The following DOCK6 variants were observed in gnomAD, a reference collection of about 807,000 sequenced individuals.
The protein encoded by DOCK6 is dedicator of cytokinesis protein 6.
A neutral mutation model predicts 230.3 loss-of-function variants in DOCK6; 167 were observed. That is an observed-to-expected ratio of 0.73 (90% CI 0.64 to 0.82). The LOEUF is 0.82. Ranked by LOEUF, DOCK6 falls within the 40% of genes least tolerant of loss-of-function variation. The pLI, the probability that DOCK6 is intolerant of heterozygous loss-of-function variation, is 0.00. For synonymous variants in DOCK6, 1,148 were observed against 1,185.0 expected (o/e 0.97, Z 0.64); for missense variants, 2,598 against 2,825.8 (o/e 0.92, Z 1.83).
rs1179449389 is a variant in DOCK6 at position 11,222,211 on chromosome 19, A to T, written c.3278T>A (p.Val1093Glu). ...TFSSQAPDPK[V>E]TSMFELSGPF... is the part of the protein sequence containing the mutation. ...TCCACTCAGTTCGAACATGCTGGTC[A>T]CCTTGGGGTCCGGGGCTTGGCTGGA... The change falls in exon 27 of 48, where the codon GTG (valine) becomes GAG (glutamate). Residue 1093 changes from valine (V) to glutamate (E), a missense_variant. Val to Glu is a moderately radical substitution (Grantham distance 121, BLOSUM62 -2). Transcript: ENST00000294618. The surrounding 1 kb of genome is among the most constrained non-coding windows in gnomAD (Gnocchi z 4.0). The T allele has an allele frequency of 6.2e-7, 1 of 1,605,478 alleles. No homozygotes were observed. Among genetic ancestry groups the T allele is most frequent in the Non-Finnish European group, 8.5e-7 (1 of 1,176,314 alleles).
chr19:11,205,395 T>C (rs1278545005), intron 39 of DOCK6, among the ~76,000 whole-genome samples: 1 of 152,028 alleles, frequency 6.6e-6, no homozygotes, highest in Non-Finnish European at 1.5e-5. Context: ...ATGGCTGCAG[T>C]CCAGTGGTAT....
intron 7 of DOCK6, 170 bp downstream of exon 7, chr19:11,247,896 G>C: frequency 1.7e-6 from 1 of 604,292 alleles, no homozygotes; most frequent in Non-Finnish European, 3.0e-6. Flanking sequence ...TTGGAGACTC[G>C]GGATAATGAA....
intron 7 of DOCK6, among the ~76,000 whole-genome samples, 157 bp from the exon 8 acceptor site, chr19:11,246,035 C>T (rs913249018): frequency 5.3e-5 from 8 of 151,368 alleles, no homozygotes; most frequent in Non-Finnish European, 1.0e-4. Flanking sequence ...TCTCATTTTG[C>T]AAAAGGGGAA....
chr19:11,251,949 A>C, intron 5 of DOCK6, 170 bp downstream of exon 5: 1 of 941,680 alleles, frequency 1.1e-6, no homozygotes, highest in South Asian at 1.6e-5. Flanking sequence ...CACCCTAAGC[A>C]CTCAATAAAT....
At chr19:11,226,042 C>T (rs559735685) in intron 24 of DOCK6, among the ~76,000 whole-genome samples, 2 of 152,096 alleles carry the variant, frequency 1.3e-5, no homozygotes, top group East Asian at 3.9e-4. Flanking sequence ...GACCCTATCT[C>T]CAAACAAAAA....
chr19:11,243,019 G>A lies in DOCK6; in HGVS notation c.1480+40C>T. 2.5e-6 allele frequency: 4 copies of A among 1,609,030 alleles called. No homozygotes were observed. The highest frequency in any genetic ancestry group is 3.4e-6 in the Non-Finnish European group (4 of 1,176,998). On this transcript the variant is annotated intron_variant, in intron 13 of 47. Coordinates refer to ENST00000294618, the MANE Select transcript of DOCK6 (RefSeq NM_020812.4). The surrounding 1 kb of genome is among the most constrained non-coding windows in gnomAD (Gnocchi z 6.3). The stretch of plus-strand genomic sequence containing the variant: ...CAGTGTAGGTTTGTTGAGTGGCTGA[G>A]TGAGAGTGATACTTCTTGTGTATGG...
At chr19:11,252,441 T>A (rs1264858984) in intron 4 of DOCK6, 41 bp downstream of exon 4, 1 of 1,610,956 alleles carries the variant, frequency 6.2e-7, no homozygotes, top group Admixed American at 1.7e-5. Context: ...TCAGCCCTTT[T>A]GGGTTCCGAA....
Position 11,252,834 on chromosome 19 carries a change from A to C in DOCK6, c.257T>G (p.Leu86Arg), listed in dbSNP as rs763313280. ...VEFPADDLEL[L>R]LQPRECRTTE... is the part of the protein sequence containing the mutation. ...GGTCCGGCATTCCCGGGGCTGCAGCAGCAGCTCCAAGTCATCAGCTGGGAA... is the reference window on the plus strand; with the variant it reads ...GGTCCGGCATTCCCGGGGCTGCAGCCGCAGCTCCAAGTCATCAGCTGGGAA... The change falls in exon 3 of 48, where the codon CTG becomes CGG. Residue 86 changes from leucine (L) to arginine (R), a missense_variant. Transcript: ENST00000294618. 42 of 1,613,524 alleles carry C rather than the reference A, an allele frequency of 2.6e-5. No homozygotes were observed. In the Admixed American group the frequency reaches 7.0e-4, roughly 27 times the overall value.
chr19:11,261,815 T>G (rs1599304698), intron 1 of DOCK6, among the ~76,000 whole-genome samples: 1 of 143,928 alleles, frequency 6.9e-6, no homozygotes, highest in East Asian at 2.1e-4. Flanking sequence ...AAGCAGAAGG[T>G]GGGGGGGCGT....
chr19:11,262,457 C>A lies in DOCK6; in HGVS notation c.-17G>T. On this transcript the variant is annotated 5_prime_UTR_variant, in exon 1 of 48. Transcript: ENST00000294618. ...GGCAGCCATGGTCCTCGCGTCCCGC[C>A]GCCGCCGCCCCGGGCCCCGGCCCCG... 8.5e-7 allele frequency: 1 copy of A among 1,177,710 alleles called. No homozygotes were observed. The highest frequency in any genetic ancestry group is 1.6e-5 in the African/African-American group (1 of 62,132). 73.0% of individuals were successfully genotyped at this position (1,177,710 alleles called of 1,614,324 possible). A position where few individuals can be genotyped will look rare whatever the true frequency, so the allele number is the denominator to read the frequency against.
intron 24 of DOCK6, among the ~76,000 whole-genome samples, chr19:11,225,471 T>C (rs773009603): frequency 5.9e-5 from 9 of 151,964 alleles, no homozygotes; most frequent in African/African-American, 2.4e-5. Flanking sequence ...CATTTCTCCT[T>C]AGACACCAGG....
intron 9 of DOCK6, among the ~76,000 whole-genome samples, chr19:11,244,878 G>A (rs2080008372): frequency 6.6e-6 from 1 of 152,218 alleles, no homozygotes; most frequent in Non-Finnish European, 1.5e-5. Flanking sequence ...ACAGTTGTGA[G>A]TCACTGTGCC....
intron 23 of DOCK6, chr19:11,228,725 A>G: frequency 2.3e-6 from 1 of 439,084 alleles, no homozygotes; most frequent in Non-Finnish European, 4.2e-6. Context: ...ACTCCTGGCT[A>G]ATTTTTTTTT....
chr19:11,226,108 C>G (rs1346333009), intron 24 of DOCK6, among the ~76,000 whole-genome samples: 1 of 152,138 alleles, frequency 6.6e-6, no homozygotes, highest in Non-Finnish European at 1.5e-5. Context: ...TTTCTGTTGG[C>G]TGGATTGAGT....
rs1266027516 is a variant in DOCK6, at chr19:11,262,435, A to C, written c.6T>G (p.Ala2=). 1 of 1,227,478 alleles carries C rather than the reference A, an allele frequency of 8.1e-7. No homozygotes were observed. Among genetic ancestry groups the C allele is most frequent in the East Asian group, 3.3e-5 (1 of 29,908 alleles). 76.0% of individuals were successfully genotyped at this position (1,227,478 alleles called of 1,614,324 possible). The change falls in exon 1 of 48, where the codon GCT becomes GCG. Residue 2 remains alanine, a synonymous_variant. Coordinates refer to ENST00000294618, the MANE Select transcript of DOCK6 (RefSeq NM_020812.4). The part of the protein sequence containing the change: M[A]ASERRAFAHK... Reference sequence around the variant, plus strand: ...GCGCGAAGGCGCGGCGCTCGGAGGCAGCCATGGTCCTCGCGTCCCGCCGCC... The same window carrying C: ...GCGCGAAGGCGCGGCGCTCGGAGGCCGCCATGGTCCTCGCGTCCCGCCGCC...
Position 11,253,714 on chromosome 19 carries a change from T to A in DOCK6, c.57A>T (p.Ala19=). 1 of 1,474,670 alleles carries A rather than the reference T, an allele frequency of 6.8e-7. No homozygotes were observed. Among genetic ancestry groups the A allele is most frequent in the Non-Finnish European group, 8.9e-7 (1 of 1,120,080 alleles). The allele number at this position is 1,474,670 out of a possible 1,614,324, so 91.3% of individuals were successfully genotyped here. The stretch of plus-strand genomic sequence containing the variant: ...CCCGGGACACCTGCTTCCGCACCTC[T>A]GCGGCCACCGTCCTGGAAAGATAGG... ...FAHKINRTVA[A]EVRKQVSRER... Residue 19 remains alanine (A), a synonymous_variant, in exon 2 of 48, where the codon GCA becomes GCT. Transcript: ENST00000294618.
At chr19:11,234,142 G>C (rs1274459481) in intron 21 of DOCK6, among the ~76,000 whole-genome samples, 1 of 152,112 alleles carries the variant, frequency 6.6e-6, no homozygotes, top group African/African-American at 2.4e-5. Flanking sequence ...TGGGACTACA[G>C]GCGTGAGCCA....
At chr19:11,242,277 G>A in intron 13 of DOCK6, 70 bp from the exon 14 acceptor site, 5 of 1,346,516 alleles carry the variant, frequency 3.7e-6, no homozygotes, top group Non-Finnish European at 3.8e-6. Flanking sequence ...TCTGGGCTGT[G>A]TAGTCAGGGC....
chr19:11,251,343 T>C (rs962582287), intron 5 of DOCK6: 15 of 470,660 alleles, frequency 3.2e-5, no homozygotes, highest in Middle Eastern at 5.8e-4. Context: ...GATCCTTATC[T>C]GGTCAATCAA....
Sources: allele counts gnomAD v4.1 joint callset (sites outside exome capture counted in the v4.1 genomes callset), GRCh38; gene constraint gnomAD v4.1.1; non-coding constraint Gnocchi (gnomAD v3.1); transcripts MANE v1.5; gene names NCBI Gene and HGNC (gene_info 2026-07-23, HGNC 2026-07-21).